PLCG2: variants seen among roughly 807,000 people sequenced by gnomAD.
PLCG2 encodes phospholipase C gamma 2, also known as 1-phosphatidylinositol 4,5-bisphosphate phosphodiesterase gamma-2.
PLCG2 carries 69 observed loss-of-function variants against 175.6 expected under a neutral mutation model. The observed-to-expected ratio is 0.39, with a 90% CI of 0.32 to 0.48. The LOEUF (loss-of-function observed/expected upper bound fraction) is 0.48. Among genes scored for constraint, PLCG2 ranks in the 20% least tolerant of loss-of-function variants. PLCG2 has a pLI of 0.91. For missense variants in PLCG2, 1,798 were observed against 1,650.9 expected (o/e 1.09, Z -1.54); for synonymous variants, 827 against 624.0 (o/e 1.33, Z -4.85).
chr16:81,918,877 G>A (rs1909946257), intron 19 of PLCG2, among the ~76,000 whole-genome samples: 1 of 147,276 alleles, frequency 6.8e-6, no homozygotes, highest in African/African-American at 2.5e-5. Flanking sequence ...TCAAACAGAT[G>A]AAGGAATGAA....
At chr16:81,895,710 C>T (rs1908853313) in intron 12 of PLCG2, 97 bp from the exon 13 acceptor site, 1 of 1,386,488 alleles carries the variant, frequency 7.2e-7, no homozygotes, top group African/African-American at 1.4e-5. Context: ...TGTGGGTGTC[C>T]TTGTCTAGTA....
chr16:81,810,948 G>T (rs1904313305), intron 2 of PLCG2, among the ~76,000 whole-genome samples: 1 of 152,198 alleles, frequency 6.6e-6, no homozygotes, highest in Non-Finnish European at 1.5e-5. Flanking sequence ...GGGAGGTTAT[G>T]CACCTGAGAA....
At chr16:81,782,252 GA>G (rs1910770657) in intron 1 of PLCG2, among the ~76,000 whole-genome samples, 3 of 143,546 alleles carry the variant, frequency 2.1e-5, no homozygotes, top group African/African-American at 7.8e-5. Context: ...AAAACCTTTA[GA>G]AGGACATGAA....
intron 1 of PLCG2, among the ~76,000 whole-genome samples, chr16:81,749,919 A>T (rs945176766): frequency 1.3e-5 from 2 of 152,166 alleles, no homozygotes; most frequent in Non-Finnish European, 2.9e-5. Flanking sequence ...AGTGTAATCC[A>T]TCTACGCGGC....
At chr16:81,797,095 G>A (rs2143226453) in intron 2 of PLCG2, among the ~76,000 whole-genome samples, 1 of 152,324 alleles carries the variant, frequency 6.6e-6, no homozygotes, top group South Asian at 2.1e-4. Flanking sequence ...CCCTGAGGGT[G>A]TAAGAGGGAA....
chr16:81,806,122 G>A (rs989052530), intron 2 of PLCG2, among the ~76,000 whole-genome samples: 3 of 146,860 alleles, frequency 2.0e-5, no homozygotes, highest in Non-Finnish European at 3.1e-5. Flanking sequence ...TCAAAATCCA[G>A]TGTGTGTTTT....
intron 1 of PLCG2, among the ~76,000 whole-genome samples, chr16:81,746,532 G>T (rs890162197): frequency 1.3e-5 from 2 of 152,190 alleles, no homozygotes; most frequent in Non-Finnish European, 2.9e-5. Flanking sequence ...CCCCAGCGCC[G>T]GGAGGGGATG....
chr16:81,957,370 A>T (rs1194160383), intron 32 of PLCG2, among the ~76,000 whole-genome samples: 1 of 152,220 alleles, frequency 6.6e-6, no homozygotes, highest in Non-Finnish European at 1.5e-5. Context: ...TCTAGAAATT[A>T]ACCTACAGTA....
chr16:81,770,736 C>G (rs962992213), intron 2 of PLCG2, among the ~76,000 whole-genome samples: 1 of 152,022 alleles, frequency 6.6e-6, no homozygotes, highest in African/African-American at 2.4e-5. Flanking sequence ...ATAATACTAA[C>G]TTTCTGTTGA....
intron 22 of PLCG2, among the ~76,000 whole-genome samples, chr16:81,924,053 A>G (rs1386880785): frequency 2.0e-5 from 3 of 152,348 alleles, no homozygotes; most frequent in East Asian, 3.9e-4. Flanking sequence ...TTCCAATTCA[A>G]ATTCGTATGC....
chr16:81,912,256 G>A (rs1909659466), intron 18 of PLCG2, among the ~76,000 whole-genome samples: 2 of 151,732 alleles, frequency 1.3e-5, no homozygotes, highest in Non-Finnish European at 2.9e-5. Flanking sequence ...ATAGAGATGG[G>A]GGTCTCATTG....
intron 2 of PLCG2, among the ~76,000 whole-genome samples, chr16:81,786,699 C>G (rs945402298): frequency 2.6e-5 from 4 of 152,162 alleles, no homozygotes; most frequent in Admixed American, 2.0e-4. Context: ...AGAGGTGTCC[C>G]TCCTCCCCTA....
At chr16:81,929,297 C>G (rs1910403660) in intron 24 of PLCG2, among the ~76,000 whole-genome samples, 1 of 152,224 alleles carries the variant, frequency 6.6e-6, no homozygotes, top group Non-Finnish European at 1.5e-5. Flanking sequence ...ATGACCCTCC[C>G]TGGGCAGGCA....
chr16:81,877,754 C>G (rs915989408), intron 7 of PLCG2, among the ~76,000 whole-genome samples: 1 of 152,050 alleles, frequency 6.6e-6, no homozygotes, highest in African/African-American at 2.4e-5. Context: ...GTCATCGCTT[C>G]TTGGCGTGTA....
At position 81,802,143 on chromosome 16, in the gene PLCG2, C is replaced by T. The variant is rs1444828950; in HGVS notation, c.193+15961C>T. On this transcript the variant is annotated intron_variant, in intron 2 of 32. Transcript: ENST00000564138. ...TTTTTTTTTTTTTTGAGACGGATCT[C>T]GCTCTTTCGCCCAGGCCAGAGTGCA... Among the ~76,000 whole-genome samples the T allele has an allele frequency of 2.3e-4, 19 of 82,046 alleles. No homozygotes were observed. In the East Asian group the frequency reaches 4.5e-3, roughly 20 times the overall value. The allele number at this position is 82,046 out of a possible 152,430, so 53.8% of individuals were successfully genotyped here.
chr16:81,796,958 G>C (rs1399620272), intron 2 of PLCG2, among the ~76,000 whole-genome samples: 1 of 152,220 alleles, frequency 6.6e-6, no homozygotes, highest in African/African-American at 2.4e-5. Flanking sequence ...GGTGAGTACA[G>C]GGATTGACCT....
intron 2 of PLCG2, among the ~76,000 whole-genome samples, chr16:81,839,092 C>G (rs1905684378): frequency 6.6e-6 from 1 of 152,176 alleles, no homozygotes; most frequent in African/African-American, 2.4e-5. Flanking sequence ...CACGTTTCCA[C>G]TGATTTTATT....
rs545878545 is a variant in PLCG2, at chr16:81,954,215, G to A, written c.3571-2480G>A. Among the ~76,000 whole-genome samples, 80 of 152,154 alleles carry A rather than the reference G, an allele frequency of 5.3e-4. No homozygotes were observed. The South Asian group carries it at 0.016, about 30-fold the overall frequency. On this transcript the variant is annotated intron_variant, in intron 31 of 32. Transcript: ENST00000564138. Reference sequence around the variant, plus strand: ...TTCTTTCATTTTTTATAGTAACAGGGTCCCGCTATGTTGCCCAGGCTGGTC... The same window carrying A: ...TTCTTTCATTTTTTATAGTAACAGGATCCCGCTATGTTGCCCAGGCTGGTC...
At chr16:81,890,123 A>C (rs1280509879) in intron 10 of PLCG2, among the ~76,000 whole-genome samples, 2 of 152,186 alleles carry the variant, frequency 1.3e-5, no homozygotes, top group African/African-American at 4.8e-5. Context: ...AAGACGTCTC[A>C]AAAGGCCAAT....
Sources: allele counts gnomAD v4.1 joint callset (sites outside exome capture counted in the v4.1 genomes callset), GRCh38; gene constraint gnomAD v4.1.1; transcripts MANE v1.5; gene names NCBI Gene and HGNC (gene_info 2026-07-23, HGNC 2026-07-21).